The following CELSR3 variants were observed in gnomAD, a reference collection of about 807,000 sequenced individuals.
The protein encoded by CELSR3 is cadherin EGF LAG seven-pass G-type receptor 3.
Under a neutral mutation model 270.0 loss-of-function variants are expected in CELSR3, and 73 were observed. That is an observed-to-expected ratio of 0.27 (90% confidence interval 0.22 to 0.33). CELSR3 has a LOEUF of 0.33. Ranked by LOEUF, CELSR3 falls within the 10% of genes least tolerant of loss-of-function variation. The pLI is 1.00. For synonymous variants in CELSR3, 1,780 were observed against 1,905.4 expected (o/e 0.93, Z 1.71); for missense variants, 3,614 against 4,533.8 (o/e 0.80, Z 5.83).
At position 48,650,973 on chromosome 3, in the gene CELSR3, G is replaced by A. The variant is rs768607204; in HGVS notation, c.6289C>T (p.Pro2097Ser). Residue 2097 changes from proline to serine, a missense_variant, in exon 15 of 35, where the codon CCC (proline) becomes TCC (serine). Physicochemically the swap from Pro to Ser is moderately conservative, Grantham distance 74. Around this residue, in one of 7 missense-constraint regions of CELSR3, gnomAD observed 1,331 missense variants for 1,933.7 expected, o/e 0.69. Coordinates refer to ENST00000164024, the MANE Select transcript of CELSR3 (RefSeq NM_001407.3). This position sits in a 1 kb window ranked among gnomAD's most constrained non-coding sequence, Gnocchi z 5.1. ...RSCAPHSGQC[P>S]CRPGALGRQC... ...CGGCCAAGGGCTCCTGGGCGACAGG[G>A]GCACTGCCCGCTGTGGGGTGCACAT... 1.2e-6 allele frequency: 2 copies of A among 1,611,844 alleles called. No individual in the cohort carries two copies. The highest frequency in any genetic ancestry group is 4.5e-5 in the East Asian group (2 of 44,860).
Position 48,644,007 on chromosome 3 carries a change from A to C in CELSR3, c.8165+209T>G. 1 of 593,824 alleles carries C rather than the reference A, an allele frequency of 1.7e-6. No individual in the cohort carries two copies. The highest frequency in any genetic ancestry group is 3.0e-6 in the Non-Finnish European group (1 of 333,828). 36.8% of individuals were successfully genotyped at this position (593,824 alleles called of 1,614,324 possible). The stretch of plus-strand genomic sequence containing the variant: ...GAGACTCTGGGGGGACCCAGAGGAC[A>C]AGGAGAGACAGCAGGGCAGAAGCAC... On this transcript the variant is annotated intron_variant, in intron 27 of 34. Transcript: ENST00000164024. This position sits in a 1 kb window ranked among gnomAD's most constrained non-coding sequence, Gnocchi z 4.8.
intron 19 of CELSR3, 39 bp downstream of exon 19, chr3:48,648,227 C>A (rs73078348): frequency 1.3e-6 from 2 of 1,545,182 alleles, no homozygotes; most frequent in East Asian, 2.2e-5. Context: ...CTTTCATGGC[C>A]CCCCTGCTGT....
rs1413823364 is a variant in CELSR3, at chr3:48,656,918, C to T, written c.4179G>A (p.Val1393=). The T allele has an allele frequency of 1.2e-6, 2 of 1,610,824 alleles. No homozygotes were observed. The highest frequency in any genetic ancestry group is 2.2e-5 in the East Asian group (1 of 44,788). ...PCENYMKCVS[V]LRFDSSAPFL... The stretch of plus-strand genomic sequence containing the variant: ...AGGGCGCGGACGAGTCAAAGCGGAG[C>T]ACGGACACGCATTTCATGTAGTTCT... The change falls in exon 2 of 35, where the codon GTG becomes GTA. Residue 1393 remains valine, a synonymous_variant. Transcript: ENST00000164024.
Position 48,659,132 on chromosome 3 carries a change from A to G in CELSR3, c.3503T>C (p.Val1168Ala). 1.9e-6 allele frequency: 3 copies of G among 1,614,226 alleles called. No individual in the cohort carries two copies. The highest frequency in any genetic ancestry group is 2.5e-6 in the Non-Finnish European group (3 of 1,180,038). Reference protein sequence around the residue: ...RLVDQNDNSPVLNNFQILFNN... With the variant: ...RLVDQNDNSPALNNFQILFNN... ...GAAGAGGATCTGGAAGTTGTTGAGCACAGGGCTGTTGTCATTCTGGTCAAC... is the reference window on the plus strand; with the variant it reads ...GAAGAGGATCTGGAAGTTGTTGAGCGCAGGGCTGTTGTCATTCTGGTCAAC... The change falls in exon 1 of 35, where the codon GTG (valine) becomes GCG (alanine). Residue 1168 changes from valine to alanine, a missense_variant. Physicochemically the swap from Val to Ala is moderately conservative, Grantham distance 64 (BLOSUM62 0). Around this residue, in one of 7 missense-constraint regions of CELSR3, gnomAD observed 1,331 missense variants for 1,933.7 expected, o/e 0.69. Transcript: ENST00000164024. The surrounding 1 kb of genome is among the most constrained non-coding windows in gnomAD (Gnocchi z 8.1).
Position 48,645,087 on chromosome 3 carries a change from G to T in CELSR3, c.7920C>A (p.Gly2640=), listed in dbSNP as rs749573330. 1 of 1,603,724 alleles carries T rather than the reference G, an allele frequency of 6.2e-7. No individual in the cohort carries two copies. Among genetic ancestry groups the T allele is most frequent in the African/African-American group, 1.3e-5 (1 of 74,798 alleles). The change falls in exon 25 of 35, where the codon GGC becomes GGA. Residue 2640 remains glycine (G), a synonymous_variant. Coordinates refer to ENST00000164024, the MANE Select transcript of CELSR3 (RefSeq NM_001407.3). The surrounding 1 kb of genome is among the most constrained non-coding windows in gnomAD (Gnocchi z 5.4). ...CCAGGGCATGGTAGAAGCGCATGGC[G>T]CCGCGGTCCACGTTGCGTGGCTCAA... The part of the protein sequence containing the change: ...MQVEPRNVDR[G]AMRFYHALGW...
At chr3:48,638,356 G>T in intron 34 of CELSR3, 124 bp from the exon 35 acceptor site, 2 of 721,134 alleles carry the variant, frequency 2.8e-6, no homozygotes, top group South Asian at 3.0e-5. Context: ...TCGCCTCTTA[G>T]CCCCCAGCCC....
rs1207246224 is a variant in CELSR3 at position 48,654,479 on chromosome 3, G to C, written c.4989-27C>G. 6.5e-7 allele frequency: 1 copy of C among 1,547,580 alleles called. No individual in the cohort carries two copies. The highest frequency in any genetic ancestry group is 8.7e-7 in the Non-Finnish European group (1 of 1,144,662). The stretch of plus-strand genomic sequence containing the variant: ...TGGGGATCAGGGGTCTGGGTCATTG[G>C]TGGGACTGGGGCCAGAGTAGAGTTG... On this transcript the variant is annotated intron_variant, in intron 6 of 34. Transcript: ENST00000164024. This position sits in a 1 kb window ranked among gnomAD's most constrained non-coding sequence, Gnocchi z 5.4.
At position 48,656,295 on chromosome 3, in the gene CELSR3, G is replaced by A; in HGVS notation, c.4470C>T (p.Cys1490=). The change falls in exon 3 of 35, where the codon TGC becomes TGT. Residue 1490 remains cysteine (C), a synonymous_variant. Transcript: ENST00000164024. The part of the protein sequence containing the change: ...VPGVCRNGGT[C]TDAPNGGFRC... ...GAAAGCCGCCGTTGGGCGCGTCGGT[G>A]CAGGTGCCCCCGTTGCGGCAGACGC... is the stretch of plus-strand genomic sequence containing the variant. 6.6e-7 allele frequency: 1 copy of A among 1,519,680 alleles called. No individual in the cohort carries two copies. The highest frequency in any genetic ancestry group is 8.8e-7 in the Non-Finnish European group (1 of 1,140,936). The allele number at this position is 1,519,680 out of a possible 1,614,324, so 94.1% of individuals were successfully genotyped here.
In CELSR3 at chr3:48,652,580, G is replaced by A. The variant is rs2047147170; in HGVS notation, c.5635-27C>T. 1 of 1,542,508 alleles carries A rather than the reference G, an allele frequency of 6.5e-7. No homozygotes were observed. Among genetic ancestry groups the A allele is most frequent in the Non-Finnish European group, 8.9e-7 (1 of 1,128,804 alleles). On this transcript the variant is annotated intron_variant, in intron 10 of 34. Coordinates refer to ENST00000164024, the MANE Select transcript of CELSR3 (RefSeq NM_001407.3). This position sits in a 1 kb window ranked among gnomAD's most constrained non-coding sequence, Gnocchi z 4.3. ...TGGAGGAAGTGGGGCAGTCAGCACTGAGGGAGAGGGGCCTGATGAACCCCT... is the reference window on the plus strand; with the variant it reads ...TGGAGGAAGTGGGGCAGTCAGCACTAAGGGAGAGGGGCCTGATGAACCCCT...
In CELSR3 at chr3:48,649,140, A is replaced by G. The variant is rs761997020; in HGVS notation, c.6548T>C (p.Phe2183Ser). The change falls in exon 17 of 35, where the codon TTT (phenylalanine) becomes TCT (serine). Residue 2183 changes from phenylalanine (F) to serine (S), a missense_variant. Phe to Ser is a radical substitution (Grantham distance 155). This residue lies in a region of CELSR3 where 1,331 missense variants were observed against 1,933.7 expected (regional missense o/e 0.69). Transcript: ENST00000164024. The part of the protein sequence containing the change: ...PDLFNCTSPA[F>S]RELSLLLDGL... ...TCTCACCAGCAGACTGAGCTCTCGA[A>G]AGGCAGGGGAGGTACAGTTGAAGAG... 41 of 1,612,432 alleles carry G rather than the reference A, an allele frequency of 2.5e-5. No homozygotes were observed. The highest frequency in any genetic ancestry group is 5.0e-5 in the Admixed American group (3 of 59,850).
rs2047042646 is a variant in CELSR3 at position 48,642,907 on chromosome 3, G to A, written c.8407-23C>T. The A allele has an allele frequency of 1.9e-6, 3 of 1,612,256 alleles. No individual in the cohort carries two copies. Among genetic ancestry groups the A allele is most frequent in the Non-Finnish European group, 2.5e-6 (3 of 1,179,378 alleles). On this transcript the variant is annotated intron_variant, in intron 29 of 34. Transcript: ENST00000164024. The surrounding 1 kb of genome is among the most constrained non-coding windows in gnomAD (Gnocchi z 6.1). ...TCCCTGGGGGTGGTAGGGACAGAGT[G>A]TGAGCTAACCCTGAAGCAGCCTAAA...
chr3:48,657,167 G>A lies in CELSR3; in HGVS notation c.3930C>T (p.Val1310=), dbSNP rs1441367810. The change falls in exon 2 of 35, where the codon GTC becomes GTT. Residue 1310 remains valine (V), a synonymous_variant. Coordinates refer to ENST00000164024, the MANE Select transcript of CELSR3 (RefSeq NM_001407.3). This position sits in a 1 kb window ranked among gnomAD's most constrained non-coding sequence, Gnocchi z 5.4. ...AAVLATPAED[V]FIFNIQNDTD... is the part of the protein sequence containing the mutation. ...TGTCGTTCTGGATGTTGAAGATGAAGACGTCCTCAGCGGGCGTAGCGAGCA... is the reference window on the plus strand; with the variant it reads ...TGTCGTTCTGGATGTTGAAGATGAAAACGTCCTCAGCGGGCGTAGCGAGCA... 1 of 1,614,076 alleles carries A rather than the reference G, an allele frequency of 6.2e-7. No individual in the cohort carries two copies. The highest frequency in any genetic ancestry group is 8.5e-7 in the Non-Finnish European group (1 of 1,179,976).
rs372158039 is a variant in CELSR3, at chr3:48,645,661, G to A, written c.7591-12C>T. On this transcript the variant is annotated splice_polypyrimidine_tract_variant and intron_variant, in intron 23 of 34. Coordinates refer to ENST00000164024, the MANE Select transcript of CELSR3 (RefSeq NM_001407.3). The surrounding 1 kb of genome is among the most constrained non-coding windows in gnomAD (Gnocchi z 5.4). ...TCGCCCTCCAGCCTCTACAGAGACA[G>A]GGATGGTTGATGGGTTGTTGGGCAG... is the stretch of plus-strand genomic sequence containing the variant. 5.6e-6 allele frequency: 9 copies of A among 1,605,468 alleles called. No individual in the cohort carries two copies. In the African/African-American group the frequency reaches 1.1e-4, roughly 19 times the overall value.
rs1158486853 is a variant in CELSR3 at position 48,655,715 on chromosome 3, C to T, written c.4741+21G>A. On this transcript the variant is annotated intron_variant, in intron 4 of 34. Transcript: ENST00000164024. This position sits in a 1 kb window ranked among gnomAD's most constrained non-coding sequence, Gnocchi z 5.8. ...CTCCAGCACACACGCACCCTTTCGC[C>T]GTCACATCCGGGGCACCCACCCGTG... 3.1e-6 allele frequency: 5 copies of T among 1,600,236 alleles called. No homozygotes were observed. The highest frequency in any genetic ancestry group is 1.7e-5 in the Admixed American group (1 of 60,016).
Position 48,657,482 on chromosome 3 carries a change from C to T in CELSR3, c.3749-134G>A, listed in dbSNP as rs2077033071. 2 of 929,800 alleles carry T rather than the reference C, an allele frequency of 2.2e-6. No homozygotes were observed. The highest frequency in any genetic ancestry group is 5.3e-5 in the East Asian group (2 of 37,700). The allele number at this position is 929,800 out of a possible 1,614,324, so 57.6% of individuals were successfully genotyped here. On this transcript the variant is annotated intron_variant, in intron 1 of 34. Coordinates refer to ENST00000164024, the MANE Select transcript of CELSR3 (RefSeq NM_001407.3). The surrounding 1 kb of genome is among the most constrained non-coding windows in gnomAD (Gnocchi z 5.4). ...TCAGCAGGCTGACCCCACCAGGACA[C>T]AAGGGAGTCTGGGGCTAGTGACCAC...
Position 48,645,349 on chromosome 3 carries a change from G to A in CELSR3, c.7797+94C>T. ...CTGCTGAAAACCCTGGCCCCAACCT[G>A]AGCATCCCTGACCTCTGACCCTGAG... On this transcript the variant is annotated intron_variant, in intron 24 of 34. Coordinates refer to ENST00000164024, the MANE Select transcript of CELSR3 (RefSeq NM_001407.3). The surrounding 1 kb of genome is among the most constrained non-coding windows in gnomAD (Gnocchi z 5.4). 1 of 1,570,514 alleles carries A rather than the reference G, an allele frequency of 6.4e-7. No individual in the cohort carries two copies. The highest frequency in any genetic ancestry group is 8.7e-7 in the Non-Finnish European group (1 of 1,145,952).
At position 48,660,445 on chromosome 3, in the gene CELSR3, G is replaced by A; in HGVS notation, c.2190C>T (p.Asp730=). Residue 730 remains aspartate, a synonymous_variant, in exon 1 of 35, where the codon GAC becomes GAT. Coordinates refer to ENST00000164024, the MANE Select transcript of CELSR3 (RefSeq NM_001407.3). The surrounding 1 kb of genome is among the most constrained non-coding windows in gnomAD (Gnocchi z 5.5). ...EHYFFGVEAR[D]HGSPPLSASA... ...AGGCAGAGAGTGGGGGTGAGCCATG[G>A]TCTCGAGCCTCCACACCAAAGAAGT... is the stretch of plus-strand genomic sequence containing the variant. 4 of 1,614,072 alleles carry A rather than the reference G, an allele frequency of 2.5e-6. No homozygotes were observed. Among genetic ancestry groups the A allele is most frequent in the Non-Finnish European group, 3.4e-6 (4 of 1,180,028 alleles).
At chr3:48,648,958 G>GT in intron 17 of CELSR3, 30 bp from the exon 18 acceptor site, 1 of 1,608,586 alleles carries the variant, frequency 6.2e-7, no homozygotes, top group Non-Finnish European at 8.5e-7. Context: ...GTTGCTCTGT[G>GT]GTCCCTTAGG....
chr3:48,640,500 G>T lies in CELSR3; in HGVS notation c.9085C>A (p.Leu3029Met). 1 of 1,609,860 alleles carries T rather than the reference G, an allele frequency of 6.2e-7. No individual in the cohort carries two copies. The highest frequency in any genetic ancestry group is 8.5e-7 in the Non-Finnish European group (1 of 1,178,194). The change falls in exon 34 of 35, where the codon CTG (leucine) becomes ATG (methionine). Residue 3029 changes from leucine (L) to methionine (M), a missense_variant. Physicochemically the swap from Leu to Met is conservative, Grantham distance 15 (BLOSUM62 2). Around this residue, in one of 7 missense-constraint regions of CELSR3, gnomAD observed 1,240 missense variants for 1,351.7 expected, o/e 0.92. Transcript: ENST00000164024. This position sits in a 1 kb window ranked among gnomAD's most constrained non-coding sequence, Gnocchi z 7.5. ...AAGGTGGCTGCACGGCACCAGGACA[G>T]CTCAGGGGCACCTCGGGTCTGTGGC... ...LVPQTRGAPE[L>M]SWCRAATLGH...
Sources: gnomAD v4.1 joint callset for allele counts on GRCh38, gnomAD v4.1.1 for gene constraint, gnomAD v4.1.1 regional missense constraint, Gnocchi (gnomAD v3.1) non-coding constraint, MANE v1.5 for transcripts, NCBI Gene and HGNC (gene_info 2026-07-23, HGNC 2026-07-21) for gene names.